Variants in TMEM64 observed in about 807,000 individuals in gnomAD.
The protein encoded by TMEM64 is transmembrane protein 64.
In TMEM64, 19 loss-of-function variants were observed where a neutral mutation model predicts 24.5. That is an observed-to-expected ratio of 0.78 (90% CI 0.54 to 1.14). The LOEUF (loss-of-function observed/expected upper bound fraction) is 1.14, where lower values mean the gene tolerates loss of function less well. Among genes scored for constraint, TMEM64 ranks in the 50% most tolerant of loss-of-function variants. The probability of loss-of-function intolerance (pLI) is 0.00; values close to 1 mark genes in which losing one functional copy is unlikely to be tolerated. For missense variants in TMEM64, 487 were observed against 493.0 expected (o/e 0.99, Z 0.12); for synonymous variants, 262 against 224.7 (o/e 1.17, Z -1.49).
At chr8:90,638,591 G>A (rs778842512) in intron 1 of TMEM64, among the ~76,000 whole-genome samples, 5 of 152,098 alleles carry the variant, frequency 3.3e-5, no homozygotes, top group Non-Finnish European at 5.9e-5. Context: ...GGGATCTGTC[G>A]TTCTTGGTCC....
chr8:90,645,715 GCGCCCGAGGCCGCCGCTGCTGC>G lies in TMEM64; in HGVS notation c.169_190del (p.Ala57ProfsTer43), dbSNP rs1809688876. 2.5e-6 allele frequency: 3 copies of G among 1,209,154 alleles called. No homozygotes were observed. In the East Asian group the frequency reaches 1.0e-4, roughly 41 times the overall value. 74.9% of individuals were successfully genotyped at this position (1,209,154 alleles called of 1,614,324 possible). On this transcript the variant is annotated frameshift_variant, in exon 1 of 3. Transcript: ENST00000458549. LOFTEE classifies it high-confidence loss of function. This position sits in a 1 kb window ranked among gnomAD's most constrained non-coding sequence, Gnocchi z 4.2. ...GCGCTCCAGATAGGCGCCGAGCAGGGCGCCCGAGGCCGCCGCTGCTGCCGCCGCCGCGCTCGCCCCGCCCCCG... is the reference window on the plus strand; with the variant it reads ...GCGCTCCAGATAGGCGCCGAGCAGGGCGCCGCCGCGCTCGCCCCGCCCCCG...
chr8:90,635,397 TA>T (rs1809503646), intron 1 of TMEM64, among the ~76,000 whole-genome samples: 3 of 151,596 alleles, frequency 2.0e-5, no homozygotes, highest in South Asian at 2.1e-4. Context: ...TATTTTATTT[TA>T]TTTTATTTTT....
rs1243772958 is a variant in TMEM64, at chr8:90,645,831, G to A, written c.75C>T (p.Ala25=). 9.2e-7 allele frequency: 1 copy of A among 1,081,082 alleles called. No homozygotes were observed. Among genetic ancestry groups the A allele is most frequent in the Non-Finnish European group, 1.1e-6 (1 of 892,654 alleles). The allele number at this position is 1,081,082 out of a possible 1,614,324, so 67.0% of individuals were successfully genotyped here. Residue 25 remains alanine (A), a synonymous_variant, in exon 1 of 3, where the codon GCC becomes GCT. Coordinates refer to ENST00000458549, the MANE Select transcript of TMEM64 (RefSeq NM_001008495.4). This position sits in a 1 kb window ranked among gnomAD's most constrained non-coding sequence, Gnocchi z 4.2. ...LLQHAALPGL[A]ELPARWALPR... is the part of the protein sequence containing the mutation. ...GCAGGGCCCAGCGGGCCGGCAGCTCGGCGAGGCCCGGGAGGGCGGCGTGCT... is the reference window on the plus strand; with the variant it reads ...GCAGGGCCCAGCGGGCCGGCAGCTCAGCGAGGCCCGGGAGGGCGGCGTGCT...
rs1435697053 is a variant in TMEM64, at chr8:90,623,085, A to G, written c.*2586T>C. ...ACAAAATCATTAACAATAAACCAAA[A>G]AACATGTAAAACTTAAGAAAACTCC... On this transcript the variant is annotated 3_prime_UTR_variant, in exon 3 of 3. Transcript: ENST00000458549. The G allele has an allele frequency of 6.6e-6, 1 of 152,192 alleles. No homozygotes were observed. The highest frequency in any genetic ancestry group is 1.5e-5 in the Non-Finnish European group (1 of 68,008). 9.4% of individuals were successfully genotyped at this position (152,192 alleles called of 1,614,324 possible).
Position 90,645,203 on chromosome 8 carries a change from T to C in TMEM64, c.703A>G (p.Ile235Val), listed in dbSNP as rs1809670841. 1 of 1,614,164 alleles carries C rather than the reference T, an allele frequency of 6.2e-7. No individual in the cohort carries two copies. The change falls in exon 1 of 3, where the codon ATT (isoleucine) becomes GTT (valine). Residue 235 changes from isoleucine (I) to valine (V), a missense_variant. Physicochemically the swap from Ile to Val is conservative, Grantham distance 29. Transcript: ENST00000458549. The surrounding 1 kb of genome is among the most constrained non-coding windows in gnomAD (Gnocchi z 4.2). ...IQSSEKLSAV[I>V]RVVEGGSGLK... is the part of the protein sequence containing the mutation. ...CCGCTTCCTCCCTCCACTACGCGAA[T>C]AACCGCGCTCAGCTTCTCGCTGCTC... is the stretch of plus-strand genomic sequence containing the variant.
In TMEM64 at chr8:90,645,827, G is replaced by T. The variant is rs1472690554; in HGVS notation, c.79C>A (p.Leu27Met). ...CGCGGCAGGGCCCAGCGGGCCGGCA[G>T]CTCGGCGAGGCCCGGGAGGGCGGCG... is the stretch of plus-strand genomic sequence containing the variant. ...QHAALPGLAE[L>M]PARWALPRGA... The change falls in exon 1 of 3, where the codon CTG becomes ATG. Residue 27 changes from leucine to methionine, a missense_variant. Around this residue, in one of 3 missense-constraint regions of TMEM64, gnomAD observed 419 missense variants for 407.5 expected, o/e 1.03. Coordinates refer to ENST00000458549, the MANE Select transcript of TMEM64 (RefSeq NM_001008495.4). The surrounding 1 kb of genome is among the most constrained non-coding windows in gnomAD (Gnocchi z 4.2). 4 of 1,072,284 alleles carry T rather than the reference G, an allele frequency of 3.7e-6. No individual in the cohort carries two copies. The Admixed American group carries it at 1.6e-4, about 43-fold the overall frequency. The allele number at this position is 1,072,284 out of a possible 1,614,324, so 66.4% of individuals were successfully genotyped here.
rs970455570 is a variant in TMEM64, at chr8:90,642,409, T to C, written c.795+2702A>G. 4.0e-5 allele frequency among the ~76,000 whole-genome samples: 6 copies of C among 150,556 alleles called. No homozygotes were observed. In the South Asian group the frequency reaches 6.2e-4, roughly 16 times the overall value. On this transcript the variant is annotated intron_variant, in intron 1 of 2. Transcript: ENST00000458549. ...GCACACAAAAAAAATGAGTTTTAAC[T>C]GGAATTTTTTTCTTTAAAAAAAAAA...
intron 1 of TMEM64, among the ~76,000 whole-genome samples, chr8:90,633,763 T>C (rs1488542188): frequency 2.6e-5 from 4 of 152,228 alleles, no homozygotes; most frequent in Non-Finnish European, 4.4e-5. Context: ...TACTATTTTA[T>C]ATTGACACAT....
intron 1 of TMEM64, among the ~76,000 whole-genome samples, chr8:90,636,107 T>C (rs989165416): frequency 3.9e-5 from 6 of 152,212 alleles, no homozygotes; most frequent in Non-Finnish European, 8.8e-5. Flanking sequence ...TGCATACATA[T>C]AATTTTAGTT....
At position 90,625,711 on chromosome 8, in the gene TMEM64, C is replaced by A. The variant is rs1809347596; in HGVS notation, c.1103G>T (p.Arg368Met). ...NTSGSSFYNK[R>M]TLTFSGGGIN... ...TCCACCTCCAGAAAATGTTAGGGTC[C>A]TCTTGTTGTAGAATGAAGAGCCACT... is the stretch of plus-strand genomic sequence containing the variant. Residue 368 changes from arginine (R) to methionine (M), a missense_variant, in exon 3 of 3, where the codon AGG (arginine) becomes ATG (methionine). Arg to Met is a moderately conservative substitution (Grantham distance 91). Coordinates refer to ENST00000458549, the MANE Select transcript of TMEM64 (RefSeq NM_001008495.4). 1.2e-6 allele frequency: 2 copies of A among 1,613,640 alleles called. No homozygotes were observed. Among genetic ancestry groups the A allele is most frequent in the Non-Finnish European group, 1.7e-6 (2 of 1,179,878 alleles).
At position 90,645,767 on chromosome 8, in the gene TMEM64, G is replaced by GA; in HGVS notation, c.138dup (p.Pro47SerfsTer59). 1 of 1,040,350 alleles carries GA rather than the reference G, an allele frequency of 9.6e-7. No individual in the cohort carries two copies. The highest frequency in any genetic ancestry group is 1.2e-6 in the Non-Finnish European group (1 of 867,852). 64.4% of individuals were successfully genotyped at this position (1,040,350 alleles called of 1,614,324 possible). A position where few individuals can be genotyped will look rare whatever the true frequency, so the allele number is the denominator to read the frequency against. ...GCCGCGCTCGCCCCGCCCCCGCGGGGAAGGCGGTCCGCCGGGCCGTCCCCG... is the reference window on the plus strand; with the variant it reads ...GCCGCGCTCGCCCCGCCCCCGCGGGGAAAGGCGGTCCGCCGGGCCGTCCCCG... On this transcript the variant is annotated frameshift_variant, in exon 1 of 3. Transcript: ENST00000458549. LOFTEE classifies it high-confidence loss of function. The surrounding 1 kb of genome is among the most constrained non-coding windows in gnomAD (Gnocchi z 4.2).
chr8:90,643,480 C>T (rs755415742), intron 1 of TMEM64, among the ~76,000 whole-genome samples: 1 of 152,190 alleles, frequency 6.6e-6, no homozygotes, highest in Non-Finnish European at 1.5e-5. Flanking sequence ...CAGCCCTGTG[C>T]TCCCAACTAG....
At chr8:90,628,422 G>C (rs750192458) in intron 2 of TMEM64, among the ~76,000 whole-genome samples, 1 of 152,232 alleles carries the variant, frequency 6.6e-6, no homozygotes, top group Non-Finnish European at 1.5e-5. Context: ...GTGAGGAGAA[G>C]TGAAGATAGT....
intron 1 of TMEM64, 143 bp downstream of exon 1, chr8:90,644,968 G>T: frequency 1.1e-6 from 1 of 905,366 alleles, no homozygotes; most frequent in Non-Finnish European, 1.7e-6. Context: ...GACTTCCCAG[G>T]CTGCGATGGA....
At position 90,631,633 on chromosome 8, in the gene TMEM64, A is replaced by C. The variant is rs370431162; in HGVS notation, c.870T>G (p.Ser290=). 3.7e-6 allele frequency: 6 copies of C among 1,613,706 alleles called. No individual in the cohort carries two copies. The African/African-American group carries it at 8.0e-5, about 22-fold the overall frequency. Residue 290 remains serine, a synonymous_variant, in exon 2 of 3, where the codon TCT becomes TCG. Coordinates refer to ENST00000458549, the MANE Select transcript of TMEM64 (RefSeq NM_001008495.4). ...TTGTCCGCAGGGTGGTACCCAAGTA[A>C]GAATTCAGAAGCTGGGTAGGAAGCA... The part of the protein sequence containing the change: ...VGLLPTQLLN[S]YLGTTLRTME...
intron 2 of TMEM64, among the ~76,000 whole-genome samples, chr8:90,629,679 A>T (rs997614246): frequency 6.6e-6 from 1 of 152,166 alleles, no homozygotes; most frequent in African/African-American, 2.4e-5. Context: ...TATATAAATA[A>T]ACCAACTGTA....
intron 1 of TMEM64, among the ~76,000 whole-genome samples, chr8:90,633,585 C>T (rs1171332679): frequency 6.6e-6 from 1 of 152,158 alleles, no homozygotes; most frequent in African/African-American, 2.4e-5. Flanking sequence ...ATTATTGGTT[C>T]AAATAGTAAA....
At chr8:90,639,632 T>C (rs1431810132) in intron 1 of TMEM64, among the ~76,000 whole-genome samples, 3 of 152,188 alleles carry the variant, frequency 2.0e-5, no homozygotes, top group African/African-American at 4.8e-5. Context: ...AGTCATGTTG[T>C]AATACACGTA....
At chr8:90,627,482 G>C (rs1429553891) in intron 2 of TMEM64, among the ~76,000 whole-genome samples, 3 of 151,814 alleles carry the variant, frequency 2.0e-5, no homozygotes, top group Non-Finnish European at 4.4e-5. Flanking sequence ...GGGGGCGGGT[G>C]CTTTGTGAAT....
Sources: gnomAD v4.1 joint callset for allele counts (sites outside exome capture counted in the v4.1 genomes callset) on GRCh38, gnomAD v4.1.1 for gene constraint, gnomAD v4.1.1 regional missense constraint, Gnocchi (gnomAD v3.1) non-coding constraint, MANE v1.5 for transcripts, NCBI Gene and HGNC (gene_info 2026-07-23, HGNC 2026-07-21) for gene names.